The following PLCD1 variants were observed in gnomAD, a reference collection of about 807,000 sequenced individuals.
PLCD1 encodes 1-phosphatidylinositol 4,5-bisphosphate phosphodiesterase delta-1.
In PLCD1, 71 loss-of-function variants were observed where a neutral mutation model predicts 87.4. That is an observed-to-expected ratio of 0.81 (90% CI 0.67 to 0.99). The LOEUF is 0.99. Among genes scored for constraint, PLCD1 ranks in the 50% least tolerant of loss-of-function variants. The pLI, the probability that PLCD1 is intolerant of heterozygous loss-of-function variation, is 0.00. For synonymous variants in PLCD1, 348 were observed against 399.2 expected, an observed-to-expected ratio of 0.87 and a Z score of 1.53; for missense variants, 867 against 1,001.5, an observed-to-expected ratio of 0.87 and a Z score of 1.81.
intron 3 of PLCD1, 61 bp downstream of exon 3, chr3:38,016,430 G>A: frequency 1.7e-6 from 2 of 1,174,336 alleles, no homozygotes; most frequent in Middle Eastern, 2.5e-4. Context: ...AAGTTGCCCT[G>A]GGGATAACCA....
At chr3:38,012,956 T>C (rs939376014) in intron 3 of PLCD1, among the ~76,000 whole-genome samples, 1 of 152,160 alleles carries the variant, frequency 6.6e-6, no homozygotes, top group Non-Finnish European at 1.5e-5. Flanking sequence ...CAGGCTTGAG[T>C]GCAGTGGCAT....
chr3:38,027,086 T>C (rs1262615478), intron 1 of PLCD1, among the ~76,000 whole-genome samples: 1 of 152,116 alleles, frequency 6.6e-6, no homozygotes, highest in Non-Finnish European at 1.5e-5. Context: ...AGTCCAGGCA[T>C]AGCCAGAATA....
rs1217721496 is a variant in PLCD1, at chr3:38,007,949, C to G, written c.2185+65G>C. 8.1e-6 allele frequency: 13 copies of G among 1,610,630 alleles called. No individual in the cohort carries two copies. The Admixed American group carries it at 2.0e-4, about 25-fold the overall frequency. ...TGGATGCGTCAAGGGACAGCCAGCCCCAGCCCAAGAGACGCCAGGCCCTGC... is the reference window on the plus strand; with the variant it reads ...TGGATGCGTCAAGGGACAGCCAGCCGCAGCCCAAGAGACGCCAGGCCCTGC... On this transcript the variant is annotated intron_variant, in intron 14 of 14. Transcript: ENST00000334661.
intron 2 of PLCD1, among the ~76,000 whole-genome samples, chr3:38,019,457 G>A (rs1175738223): frequency 4.6e-5 from 7 of 152,026 alleles, no homozygotes; most frequent in Non-Finnish European, 1.0e-4. Context: ...GTACAGCATC[G>A]GTCTAAAATT....
intron 1 of PLCD1, among the ~76,000 whole-genome samples, chr3:38,028,537 G>C (rs1046691893): frequency 6.6e-6 from 1 of 152,204 alleles, no homozygotes; most frequent in Non-Finnish European, 1.5e-5. Context: ...AGTTTAGATG[G>C]ATGGGTGGTG....
intron 1 of PLCD1, among the ~76,000 whole-genome samples, chr3:38,021,148 C>G (rs2125549962): frequency 6.6e-6 from 1 of 151,954 alleles, no homozygotes; most frequent in Admixed American, 6.5e-5. Context: ...CCTTGCTGTC[C>G]CCCCCACCTC....
In PLCD1 at chr3:38,008,442, C is replaced by T; in HGVS notation, c.1902+16G>A. 1.2e-6 allele frequency: 2 copies of T among 1,614,142 alleles called. No homozygotes were observed. Among genetic ancestry groups the T allele is most frequent in the Non-Finnish European group, 1.7e-6 (2 of 1,179,990 alleles). ...GGGAGGTCCGTGGGCACCTGTCCCT[C>T]CTAGGTCCAGCGTACCCTGATGTTG... On this transcript the variant is annotated intron_variant, in intron 12 of 14. Transcript: ENST00000334661.
rs1350789375 is a variant in PLCD1, at chr3:38,011,224, G to A, written c.780C>T (p.Pro260=). ...LALSLIERYE[P]SETAKAQRQM... is the part of the protein sequence containing the mutation. ...TGGTCAGGCTCTCACCAGTCTCGCT[G>A]GGCTCGTAGCGCTCAATGAGGGAGA... The change falls in exon 5 of 15, where the codon CCC becomes CCT. Residue 260 remains proline (P), a synonymous_variant. Transcript: ENST00000334661. 1.2e-6 allele frequency: 2 copies of A among 1,608,538 alleles called. No individual in the cohort carries two copies. Among genetic ancestry groups the A allele is most frequent in the Non-Finnish European group, 1.7e-6 (2 of 1,179,340 alleles).
At chr3:38,020,638 T>C (rs890981506) in intron 1 of PLCD1, among the ~76,000 whole-genome samples, 1 of 152,168 alleles carries the variant, frequency 6.6e-6, no homozygotes, top group Non-Finnish European at 1.5e-5. Context: ...CACAGCTGAA[T>C]GAACAAAAGA....
intron 2 of PLCD1, among the ~76,000 whole-genome samples, chr3:38,016,957 T>C (rs1385538817): frequency 2.6e-5 from 4 of 151,598 alleles, no homozygotes; most frequent in Admixed American, 2.0e-4. Flanking sequence ...GACACAGTCA[T>C]TGCAGGCACA....
chr3:38,020,105 G>T, intron 2 of PLCD1, 83 bp downstream of exon 2: 1 of 1,277,514 alleles, frequency 7.8e-7, no homozygotes, highest in South Asian at 1.2e-5. Flanking sequence ...CTGTGGTTTT[G>T]ATCCATGACT....
Position 38,025,310 on chromosome 3 carries a change from C to T in PLCD1, c.34+4196G>A, listed in dbSNP as rs1351053364. Reference sequence around the variant, plus strand: ...CCGGAGCGGCGAATTCTAACGCCACCTTTGAGGCTGGCGCAGAACCGAAGG... The same window carrying T: ...CCGGAGCGGCGAATTCTAACGCCACTTTTGAGGCTGGCGCAGAACCGAAGG... On this transcript the variant is annotated intron_variant, in intron 1 of 14. Transcript: ENST00000334661. The surrounding 1 kb of genome is among the most constrained non-coding windows in gnomAD (Gnocchi z 4.0). 6.6e-6 allele frequency among the ~76,000 whole-genome samples: 1 copy of T among 152,208 alleles called. No homozygotes were observed. The highest frequency in any genetic ancestry group is 1.5e-5 in the Non-Finnish European group (1 of 68,038).
intron 1 of PLCD1, 41 bp downstream of exon 1, chr3:38,029,465 A>G (rs1204214049): frequency 1.3e-6 from 2 of 1,527,006 alleles, no homozygotes; most frequent in Non-Finnish European, 1.8e-6. Flanking sequence ...CCAGGGGTCC[A>G]CCCCTGCAGG....
chr3:38,007,641 T>C lies in PLCD1; in HGVS notation c.*132A>G, dbSNP rs1471400167. On this transcript the variant is annotated 3_prime_UTR_variant, in exon 15 of 15. Coordinates refer to ENST00000334661, the MANE Select transcript of PLCD1 (RefSeq NM_006225.4). ...TCCCCAGGGAGGCAGCAGCAGACAC[T>C]ATGTTAGGGCTGAAGGCAATTTGGG... is the stretch of plus-strand genomic sequence containing the variant. The C allele has an allele frequency of 6.8e-6, 5 of 739,454 alleles. No homozygotes were observed. The highest frequency in any genetic ancestry group is 1.2e-5 in the Non-Finnish European group (5 of 411,092). The allele number at this position is 739,454 out of a possible 1,614,324, so 45.8% of individuals were successfully genotyped here.
chr3:38,024,327 C>A (rs1249320205), intron 1 of PLCD1: 3 of 1,610,778 alleles, frequency 1.9e-6, no homozygotes, highest in East Asian at 2.2e-5. Flanking sequence ...GAGTGCTCTG[C>A]GCCCCTTACC....
intron 3 of PLCD1, 32 bp downstream of exon 3, chr3:38,016,459 C>T: frequency 6.8e-7 from 1 of 1,481,436 alleles, no homozygotes; most frequent in East Asian, 2.3e-5. Flanking sequence ...GTCCACAAGC[C>T]AGGCCTGGAC....
chr3:38,024,647 T>C, intron 1 of PLCD1: 2 of 1,519,382 alleles, frequency 1.3e-6, no homozygotes, highest in East Asian at 2.5e-5. Flanking sequence ...AAATCTGGGC[T>C]GAGGGGGTAG....
At chr3:38,026,344 C>T (rs1219439492) in intron 1 of PLCD1, among the ~76,000 whole-genome samples, 1 of 152,062 alleles carries the variant, frequency 6.6e-6, no homozygotes, top group Admixed American at 6.5e-5. Context: ...CATGGAGACA[C>T]CCCGTCTCTG....
In PLCD1 at chr3:38,009,168, G is replaced by C; in HGVS notation, c.1607-10C>G. The C allele has an allele frequency of 6.2e-7, 1 of 1,613,650 alleles. No homozygotes were observed. Among genetic ancestry groups the C allele is most frequent in the East Asian group, 2.2e-5 (1 of 44,876 alleles). On this transcript the variant is annotated splice_polypyrimidine_tract_variant and intron_variant, in intron 10 of 14. Transcript: ENST00000334661. ...CGGACAAAGCCGTTTCCTGAGGGGA[G>C]GTGTGGTTCGGTCAGCAGTGGAGGC...
Sources: allele counts gnomAD v4.1 joint callset (sites outside exome capture counted in the v4.1 genomes callset), GRCh38; gene constraint gnomAD v4.1.1; non-coding constraint Gnocchi (gnomAD v3.1); transcripts MANE v1.5; gene names NCBI Gene and HGNC (gene_info 2026-07-23, HGNC 2026-07-21).